The following PPP1R9A variants were observed in gnomAD, a reference collection of about 807,000 sequenced individuals.
PPP1R9A encodes protein phosphatase 1 regulatory subunit 9A.
Under a neutral mutation model 141.9 loss-of-function variants are expected in PPP1R9A, and 59 were observed. The observed-to-expected ratio is 0.42, with a 90% CI of 0.34 to 0.52. PPP1R9A has a LOEUF of 0.52. Among genes scored for constraint, PPP1R9A ranks in the 20% least tolerant of loss-of-function variants. The probability of loss-of-function intolerance (pLI) is 0.10; values close to 1 mark genes in which losing one functional copy is unlikely to be tolerated. For synonymous variants in PPP1R9A, 500 were observed against 569.7 expected (o/e 0.88, Z 1.74); for missense variants, 1,444 against 1,611.9 (o/e 0.90, Z 1.78).
At chr7:95,022,018 G>A (rs1464573377) in intron 2 of PPP1R9A, among the ~76,000 whole-genome samples, 3 of 152,146 alleles carry the variant, frequency 2.0e-5, no homozygotes, top group Admixed American at 1.3e-4. Context: ...AAAGTCAATG[G>A]TAGCTTGATG....
At chr7:95,107,070 C>T (rs997079098) in intron 2 of PPP1R9A, among the ~76,000 whole-genome samples, 2 of 152,140 alleles carry the variant, frequency 1.3e-5, no homozygotes, top group African/African-American at 4.8e-5. Context: ...GCATGAGCCA[C>T]TGTGTCCTGC....
At position 94,984,921 on chromosome 7, in the gene PPP1R9A, T is replaced by C. The variant is rs189719194; in HGVS notation, c.1395+73413T>C. On this transcript the variant is annotated intron_variant, in intron 2 of 19. Coordinates refer to ENST00000433360, the MANE Select transcript of PPP1R9A (RefSeq NM_001166160.2). ...GCTTCTCTAGTTCTTTTAATTGTGA[T>C]GTTAGGGTGTCAATTTTTGATCTTT... Among the ~76,000 whole-genome samples, 988 of 152,302 alleles carry C rather than the reference T, an allele frequency of 6.5e-3. 13 individuals carry two copies. The highest frequency in any genetic ancestry group is 0.023 in the African/African-American group (939 of 41,564).
intron 7 of PPP1R9A, among the ~76,000 whole-genome samples, chr7:95,219,193 G>T (rs2204631): frequency 0.025 from 3,795 of 152,198 alleles, 183 homozygotes; most frequent in African/African-American, 0.087. Context: ...GCATTTGCTT[G>T]TCTGTAAAGG....
chr7:95,119,094 C>T (rs1413657913), intron 3 of PPP1R9A, among the ~76,000 whole-genome samples: 2 of 151,842 alleles, frequency 1.3e-5, no homozygotes, highest in Admixed American at 1.3e-4. Flanking sequence ...GTATATGGAC[C>T]AATATTTCTT....
chr7:95,285,986 A>G (rs1029390724), intron 17 of PPP1R9A, among the ~76,000 whole-genome samples: 1 of 152,226 alleles, frequency 6.6e-6, no homozygotes, highest in Non-Finnish European at 1.5e-5. Context: ...TTGTCTCTCT[A>G]AAACATCTAT....
At chr7:95,196,861 T>G (rs1836360941) in intron 5 of PPP1R9A, among the ~76,000 whole-genome samples, 1 of 152,156 alleles carries the variant, frequency 6.6e-6, no homozygotes, top group Non-Finnish European at 1.5e-5. Context: ...TGTATCACAG[T>G]TATTGAACTG....
intron 2 of PPP1R9A, among the ~76,000 whole-genome samples, chr7:95,010,045 A>G (rs556464964): frequency 2.0e-5 from 3 of 152,292 alleles, no homozygotes; most frequent in Admixed American, 2.0e-4. Flanking sequence ...AGAGGGTACA[A>G]ACTATTCACA....
chr7:95,022,412 T>G (rs932156112), intron 2 of PPP1R9A, among the ~76,000 whole-genome samples: 1 of 152,216 alleles, frequency 6.6e-6, no homozygotes, highest in Admixed American at 6.5e-5. Context: ...TATACAATTA[T>G]GTCATCTGCA....
intron 2 of PPP1R9A, among the ~76,000 whole-genome samples, chr7:94,988,138 G>T (rs1222781225): frequency 6.6e-6 from 1 of 152,098 alleles, no homozygotes; most frequent in African/African-American, 2.4e-5. Flanking sequence ...CTGATGTTTG[G>T]TCTTTATTAC....
chr7:95,164,639 T>C (rs1830917387), intron 5 of PPP1R9A, among the ~76,000 whole-genome samples: 1 of 151,904 alleles, frequency 6.6e-6, no homozygotes, highest in African/African-American at 2.4e-5. Flanking sequence ...TCCTCTAGAA[T>C]CTTATTTTCT....
intron 7 of PPP1R9A, among the ~76,000 whole-genome samples, chr7:95,209,925 CA>C (rs1423177589): frequency 6.6e-6 from 1 of 152,182 alleles, no homozygotes; most frequent in African/African-American, 2.4e-5. Context: ...TTTCTTCCCA[CA>C]GTTCTACTGG....
intron 2 of PPP1R9A, among the ~76,000 whole-genome samples, chr7:95,053,453 A>G (rs1282256567): frequency 6.6e-6 from 1 of 152,216 alleles, no homozygotes; most frequent in Non-Finnish European, 1.5e-5. Context: ...CAAAAGAAGT[A>G]TTGCAGCAAA....
At chr7:95,113,771 G>A (rs976590686) in intron 3 of PPP1R9A, among the ~76,000 whole-genome samples, 1 of 152,136 alleles carries the variant, frequency 6.6e-6, no homozygotes, top group Non-Finnish European at 1.5e-5. Context: ...CTTTATCTGA[G>A]TAATTCACTG....
chr7:95,258,043 G>A (rs982649970), intron 12 of PPP1R9A, among the ~76,000 whole-genome samples: 6 of 152,020 alleles, frequency 3.9e-5, no homozygotes, highest in Non-Finnish European at 7.4e-5. Context: ...GTAATGGGAT[G>A]GCTGGGTCAA....
intron 2 of PPP1R9A, among the ~76,000 whole-genome samples, chr7:94,941,123 G>T (rs957360000): frequency 6.6e-6 from 1 of 152,160 alleles, no homozygotes; most frequent in African/African-American, 2.4e-5. Flanking sequence ...TCGCAGGACA[G>T]ACAGTAATAT....
At chr7:95,175,833 T>G (rs1832820493) in intron 5 of PPP1R9A, among the ~76,000 whole-genome samples, 1 of 152,178 alleles carries the variant, frequency 6.6e-6, no homozygotes, top group Non-Finnish European at 1.5e-5. Context: ...CTTCTGATGG[T>G]CATAATTTTC....
intron 7 of PPP1R9A, among the ~76,000 whole-genome samples, chr7:95,223,851 T>C (rs948246188): frequency 6.6e-6 from 1 of 152,048 alleles, no homozygotes; most frequent in Non-Finnish European, 1.5e-5. Flanking sequence ...GTTTTATACC[T>C]CTATATGAAA....
At chr7:94,975,097 G>T (rs534312402) in intron 2 of PPP1R9A, among the ~76,000 whole-genome samples, 2 of 151,812 alleles carry the variant, frequency 1.3e-5, no homozygotes, top group East Asian at 3.9e-4. Context: ...CTCTTAATTT[G>T]GAAAAAAAAT....
intron 2 of PPP1R9A, among the ~76,000 whole-genome samples, chr7:95,081,620 G>T (rs1192204389): frequency 6.6e-6 from 1 of 152,172 alleles, no homozygotes. Context: ...GGAACTCCCT[G>T]AAAGGTGCAT....
Sources: gnomAD v4.1 joint callset for allele counts (sites outside exome capture counted in the v4.1 genomes callset) on GRCh38, gnomAD v4.1.1 for gene constraint, MANE v1.5 for transcripts, NCBI Gene and HGNC (gene_info 2026-07-23, HGNC 2026-07-21) for gene names.